DPP6: variants seen among roughly 807,000 people sequenced by gnomAD.
DPP6 encodes the protein dipeptidyl peptidase like 6.
Under a neutral mutation model 122.6 loss-of-function variants are expected in DPP6, and 69 were observed. That is an observed-to-expected ratio of 0.56 (90% CI 0.46 to 0.69). The LOEUF is 0.69. Ranked by LOEUF, DPP6 falls within the 30% of genes least tolerant of loss-of-function variation. DPP6 has a pLI of 0.00. For missense variants in DPP6, 928 were observed against 1,116.9 expected (o/e 0.83, Z 2.41); for synonymous variants, 418 against 433.1 (o/e 0.97, Z 0.43).
intron 1 of DPP6, among the ~76,000 whole-genome samples, chr7:153,960,098 C>CTA (rs771207337): frequency 1.2e-4 from 18 of 150,826 alleles, no homozygotes; most frequent in East Asian, 1.9e-4. Flanking sequence ...TGATCAAACT[C>CTA]TAATCACTTA....
chr7:154,172,832 T>G (rs1797605996), intron 1 of DPP6, among the ~76,000 whole-genome samples: 1 of 151,988 alleles, frequency 6.6e-6, no homozygotes, highest in South Asian at 2.1e-4. Flanking sequence ...AACTTGTGAG[T>G]TCAAGCCATC....
At chr7:154,547,588 A>AG (rs1208537894) in intron 4 of DPP6, among the ~76,000 whole-genome samples, 1 of 152,204 alleles carries the variant, frequency 6.6e-6, no homozygotes, top group Non-Finnish European at 1.5e-5. Flanking sequence ...CAGGAACAAA[A>AG]GGGTGGCATA....
intron 3 of DPP6, among the ~76,000 whole-genome samples, chr7:154,537,751 A>G (rs1031232239): frequency 1.3e-5 from 2 of 150,714 alleles, no homozygotes; most frequent in African/African-American, 4.9e-5. Context: ...AGAAAAGGAA[A>G]GGAGAGAGGA....
chr7:154,845,295 A>C (rs915656012), intron 16 of DPP6, among the ~76,000 whole-genome samples: 1 of 152,176 alleles, frequency 6.6e-6, no homozygotes, highest in East Asian at 1.9e-4. Context: ...CAGAGCAGCT[A>C]TGGCTTTAAA....
intron 1 of DPP6, among the ~76,000 whole-genome samples, chr7:154,040,290 C>G (rs1406880806): frequency 1.5e-4 from 21 of 144,662 alleles, no homozygotes; most frequent in Middle Eastern, 3.5e-3. Flanking sequence ...AAGAGAAATC[C>G]ATGAAGCTGT....
At chr7:154,186,912 T>G (rs529680900) in intron 1 of DPP6, among the ~76,000 whole-genome samples, 76 of 152,162 alleles carry the variant, frequency 5.0e-4, no homozygotes, top group African/African-American at 1.8e-3. Context: ...AATGGAGGAG[T>G]GGCTATGCGG....
intron 1 of DPP6, among the ~76,000 whole-genome samples, chr7:154,219,120 G>A (rs1324413195): frequency 1.3e-5 from 2 of 152,154 alleles, no homozygotes; most frequent in Non-Finnish European, 2.9e-5. Flanking sequence ...CAGACTTGAT[G>A]GTGGGGAGAA....
At chr7:154,115,628 T>C (rs1324499820) in intron 1 of DPP6, among the ~76,000 whole-genome samples, 1 of 152,228 alleles carries the variant, frequency 6.6e-6, no homozygotes, top group Non-Finnish European at 1.5e-5. Flanking sequence ...CTGCCATTGC[T>C]ACTGATGACA....
At chr7:154,281,968 C>T (rs1804544388) in intron 1 of DPP6, among the ~76,000 whole-genome samples, 1 of 152,046 alleles carries the variant, frequency 6.6e-6, no homozygotes, top group Non-Finnish European at 1.5e-5. Context: ...GGTTTGGAGC[C>T]AAAAATTGAT....
chr7:154,258,894 A>G (rs1287104223), intron 1 of DPP6, among the ~76,000 whole-genome samples: 2 of 152,206 alleles, frequency 1.3e-5, no homozygotes, highest in Non-Finnish European at 2.9e-5. Context: ...CACAAGTTAT[A>G]TGGTTAAGAA....
chr7:154,174,840 A>T (rs1193302108), intron 1 of DPP6, among the ~76,000 whole-genome samples: 2 of 147,190 alleles, frequency 1.4e-5, no homozygotes, highest in Non-Finnish European at 3.0e-5. Context: ...TTGTTATCTC[A>T]TCATAATTTC....
At chr7:154,070,342 A>C (rs1803031994) in intron 1 of DPP6, among the ~76,000 whole-genome samples, 1 of 151,728 alleles carries the variant, frequency 6.6e-6, no homozygotes, top group African/African-American at 2.4e-5. Flanking sequence ...GAAAACCTTA[A>C]GCCTCGGTTT....
At chr7:154,364,728 T>C (rs1371124633) in intron 1 of DPP6, among the ~76,000 whole-genome samples, 2 of 152,226 alleles carry the variant, frequency 1.3e-5, no homozygotes, top group Non-Finnish European at 2.9e-5. Context: ...AATACCTCTC[T>C]CATCTCTTCC....
the DPP6 span, among the ~76,000 whole-genome samples, chr7:153,831,664 A>AT: frequency 2.0e-5 from 3 of 152,208 alleles, no homozygotes; most frequent in Non-Finnish European, 2.9e-5. Flanking sequence ...ATTTCATATA[A>AT]TTTTTTGTGT....
At position 154,766,611 on chromosome 7, in the gene DPP6, G is replaced by A. The variant is rs536736598; in HGVS notation, c.884-2806G>A. Among the ~76,000 whole-genome samples the A allele has an allele frequency of 5.3e-5, 8 of 152,254 alleles. No individual in the cohort carries two copies. The East Asian group carries it at 5.8e-4, about 11-fold the overall frequency. ...CGTGTCTCTAAGTTTCCTTCTAACC[G>A]TTACATTTGGTAACCTGTAGTGATG... is the stretch of plus-strand genomic sequence containing the variant. On this transcript the variant is annotated intron_variant, in intron 8 of 25. Transcript: ENST00000377770.
At chr7:153,783,314 C>T in the DPP6 span, among the ~76,000 whole-genome samples, 4 of 152,248 alleles carry the variant, frequency 2.6e-5, no homozygotes, top group South Asian at 2.1e-4. Flanking sequence ...CACCTCTTCC[C>T]TGGGCAGCAG....
At chr7:154,103,285 G>A (rs1805887651) in intron 1 of DPP6, among the ~76,000 whole-genome samples, 1 of 152,176 alleles carries the variant, frequency 6.6e-6, no homozygotes, top group African/African-American at 2.4e-5. Flanking sequence ...CATTCCGTCA[G>A]CCATACTGAT....
Position 154,600,289 on chromosome 7 carries a change from G to A in DPP6, c.627+33373G>A, listed in dbSNP as rs1324371989. Among the ~76,000 whole-genome samples the A allele has an allele frequency of 7.6e-5, 9 of 118,382 alleles. 2 individuals are homozygous for A. The highest frequency in any genetic ancestry group is 1.5e-4 in the Non-Finnish European group (8 of 52,802). 77.7% of individuals were successfully genotyped at this position (118,382 alleles called of 152,430 possible). On this transcript the variant is annotated intron_variant, in intron 5 of 25. Coordinates refer to ENST00000377770, the MANE Select transcript of DPP6 (RefSeq NM_130797.4). ...ATTACAGGCACTTGCCACCGTGCCC[G>A]GCTAATTTTTCGTATTTTTTGTAGA...
At chr7:153,766,436 C>G in the DPP6 span, among the ~76,000 whole-genome samples, 3 of 152,060 alleles carry the variant, frequency 2.0e-5, no homozygotes, top group Admixed American at 2.0e-4. Flanking sequence ...ATCTACTCAG[C>G]TATATCATTA....
Sources: gnomAD v4.1 joint callset for allele counts (sites outside exome capture counted in the v4.1 genomes callset) on GRCh38, gnomAD v4.1.1 for gene constraint, MANE v1.5 for transcripts, NCBI Gene and HGNC (gene_info 2026-07-23, HGNC 2026-07-21) for gene names.